Variants in HPSE2 observed in about 807,000 individuals in gnomAD.
HPSE2 encodes the protein heparanase 2 (inactive).
In HPSE2, 38 loss-of-function variants were observed where a neutral mutation model predicts 60.5. The ratio of observed to expected loss-of-function variants is 0.63; its 90% CI spans 0.48 to 0.82. The LOEUF (loss-of-function observed/expected upper bound fraction) is 0.82. Ranked by LOEUF, HPSE2 falls within the 40% of genes least tolerant of loss-of-function variation. The probability of loss-of-function intolerance (pLI) is 0.00; values close to 1 mark genes in which losing one functional copy is unlikely to be tolerated. For missense variants in HPSE2, 713 were observed against 740.4 expected, an observed-to-expected ratio of 0.96 and a Z score of 0.43; for synonymous variants, 295 against 293.2, an observed-to-expected ratio of 1.01 and a Z score of -0.06.
chr10:99,250,142 C>CAA, the HPSE2 span, among the ~76,000 whole-genome samples: 437 of 137,344 alleles, frequency 3.2e-3, 3 homozygotes, highest in African/African-American at 7.7e-3. Flanking sequence ...AACTCCATCT[C>CAA]AAAAAAAAAA....
At chr10:98,782,893 T>A in intron 3 of HPSE2, among the ~76,000 whole-genome samples, 1 of 130,964 alleles carries the variant, frequency 7.6e-6, no homozygotes, top group African/African-American at 2.9e-5. Flanking sequence ...GTTGAGTGGG[T>A]CTACTTCCCT....
intron 3 of HPSE2, among the ~76,000 whole-genome samples, chr10:98,869,936 A>T (rs1564622908): frequency 1.3e-5 from 2 of 152,204 alleles, no homozygotes; most frequent in African/African-American, 4.8e-5. Context: ...GCTTCAAGAA[A>T]AAAAAGAAAG....
chr10:98,692,717 C>T (rs934228670), intron 6 of HPSE2, among the ~76,000 whole-genome samples: 1 of 152,112 alleles, frequency 6.6e-6, no homozygotes, highest in East Asian at 1.9e-4. Flanking sequence ...TGCAGTGAGC[C>T]GAGATCGCGC....
At chr10:98,848,416 TAA>T (rs146384443) in intron 3 of HPSE2, among the ~76,000 whole-genome samples, 1 of 141,960 alleles carries the variant, frequency 7.0e-6, no homozygotes. Context: ...AGACTCTGTC[TAA>T]AAAAAAAAAA....
intron 4 of HPSE2, among the ~76,000 whole-genome samples, chr10:98,725,794 A>G (rs1329655078): frequency 6.6e-6 from 1 of 152,168 alleles, no homozygotes; most frequent in Non-Finnish European, 1.5e-5. Context: ...AATTTGCAAG[A>G]AAAAAACAAC....
chr10:99,212,439 T>C (rs1848983008), intron 2 of HPSE2, among the ~76,000 whole-genome samples: 1 of 151,912 alleles, frequency 6.6e-6, no homozygotes, highest in Non-Finnish European at 1.5e-5. Context: ...ATAAAGAAAA[T>C]GTGGTATATA....
chr10:98,652,438 A>G (rs967647641), intron 6 of HPSE2, among the ~76,000 whole-genome samples: 2 of 152,118 alleles, frequency 1.3e-5, no homozygotes, highest in Non-Finnish European at 2.9e-5. Flanking sequence ...GCTTTTTTCA[A>G]TCACCAAGTC....
chr10:99,105,645 T>C (rs1844215546), intron 3 of HPSE2, among the ~76,000 whole-genome samples: 1 of 152,046 alleles, frequency 6.6e-6, no homozygotes, highest in Admixed American at 6.6e-5. Context: ...GTTAAATTTA[T>C]CATTTTTCTC....
At chr10:98,516,586 T>C (rs963661273) in intron 9 of HPSE2, among the ~76,000 whole-genome samples, 11 of 152,082 alleles carry the variant, frequency 7.2e-5, no homozygotes, top group Non-Finnish European at 1.5e-4. Context: ...TAAAAATCAG[T>C]CCCATTTTTT....
chr10:99,022,415 C>G (rs1010801916), intron 3 of HPSE2, among the ~76,000 whole-genome samples: 1 of 152,080 alleles, frequency 6.6e-6, no homozygotes, highest in African/African-American at 2.4e-5. Flanking sequence ...GAAAGGCAGT[C>G]TAGGCCATAA....
chr10:99,236,410 C>G (rs17111333), upstream of HPSE2, among the ~76,000 whole-genome samples: 4,152 of 152,158 alleles, frequency 0.027, 190 homozygotes, highest in African/African-American at 0.095. Flanking sequence ...GAGTTCCCAC[C>G]GACAGCACGC....
chr10:99,060,554 A>T (rs1958214602), intron 3 of HPSE2, among the ~76,000 whole-genome samples: 1 of 147,978 alleles, frequency 6.8e-6, no homozygotes, highest in Non-Finnish European at 1.5e-5. Context: ...GCTACTCAGG[A>T]GGCTGAGGCA....
At chr10:98,488,192 T>A (rs1387772056) in intron 10 of HPSE2, among the ~76,000 whole-genome samples, 4 of 152,154 alleles carry the variant, frequency 2.6e-5, no homozygotes, top group African/African-American at 9.7e-5. Flanking sequence ...GCAGATAATT[T>A]CAGTAACTTG....
chr10:98,994,754 G>C (rs1330258362), intron 3 of HPSE2, among the ~76,000 whole-genome samples: 1 of 152,176 alleles, frequency 6.6e-6, no homozygotes, highest in East Asian at 1.9e-4. Flanking sequence ...GAGGCTGTAG[G>C]AATTGTGGTC....
intron 9 of HPSE2, among the ~76,000 whole-genome samples, chr10:98,607,116 T>TCTCCCTCCCTC: frequency 7.2e-6 from 1 of 138,746 alleles, no homozygotes; most frequent in Admixed American, 7.3e-5. Flanking sequence ...CCTCTCTTTC[T>TCTCCCTCCCTC]TCTCAGGTCA....
the HPSE2 span, among the ~76,000 whole-genome samples, chr10:99,270,415 T>G: frequency 1.3e-5 from 2 of 152,110 alleles, no homozygotes; most frequent in African/African-American, 4.8e-5. Flanking sequence ...CCTGGAAATA[T>G]GCAATCCTCC....
intron 3 of HPSE2, among the ~76,000 whole-genome samples, chr10:98,755,056 C>G (rs111928215): frequency 2.6e-5 from 4 of 151,842 alleles, no homozygotes; most frequent in African/African-American, 9.7e-5. Flanking sequence ...CAGCTAAACG[C>G]CCCACAAAAA....
intron 9 of HPSE2, among the ~76,000 whole-genome samples, chr10:98,563,193 T>C (rs1944241543): frequency 6.6e-6 from 1 of 152,160 alleles, no homozygotes; most frequent in African/African-American, 2.4e-5. Flanking sequence ...GGTGGATAAA[T>C]AAAACATGGT....
intron 9 of HPSE2, among the ~76,000 whole-genome samples, chr10:98,546,857 G>A (rs1386966662): frequency 6.7e-6 from 1 of 150,360 alleles, no homozygotes; most frequent in Non-Finnish European, 1.5e-5. Context: ...TACCATCAGA[G>A]TGAACAGCCA....
Sources: allele counts gnomAD v4.1 joint callset (sites outside exome capture counted in the v4.1 genomes callset), GRCh38; gene constraint gnomAD v4.1.1; transcripts MANE v1.5; gene names NCBI Gene and HGNC (gene_info 2026-07-23, HGNC 2026-07-21).